Variants in ZNF410 observed in about 807,000 individuals in gnomAD.
ZNF410 encodes the protein zinc finger protein 410.
Under a neutral mutation model 54.8 loss-of-function variants are expected in ZNF410, and 18 were observed. The ratio of observed to expected loss-of-function variants is 0.33; its 90% confidence interval spans 0.23 to 0.49. The LOEUF is 0.49. Ranked by LOEUF, ZNF410 falls within the 20% of genes least tolerant of loss-of-function variation. The pLI, the probability that ZNF410 is intolerant of heterozygous loss-of-function variation, is 0.99. For missense variants in ZNF410, 405 were observed against 569.6 expected (o/e 0.71, Z 2.94); for synonymous variants, 191 against 207.3 (o/e 0.92, Z 0.68).
chr14:73,897,051 A>G (rs2055328652), intron 4 of ZNF410, among the ~76,000 whole-genome samples: 1 of 152,196 alleles, frequency 6.6e-6, no homozygotes, highest in Non-Finnish European at 1.5e-5. Flanking sequence ...AAGGGGATGA[A>G]GAGAACTGGG....
Position 73,892,223 on chromosome 14 carries a change from CTTGTTTCCTTTTCTT to C in ZNF410, c.33+19_33+33del. 1 of 1,611,460 alleles carries C rather than the reference CTTGTTTCCTTTTCTT, an allele frequency of 6.2e-7. No homozygotes were observed. ...CCAAACCAGAGGTGAGCCCAGTCAG[CTTGTTTCCTTTTCTT>C]TTGGTGGGCTATATTTCAAAGTTTA... On this transcript the variant is annotated intron_variant, in intron 2 of 11. Coordinates refer to ENST00000555044, the MANE Select transcript of ZNF410 (RefSeq NM_021188.3).
intron 6 of ZNF410, 134 bp from the exon 7 acceptor site, chr14:73,904,768 A>G: frequency 1.0e-6 from 1 of 998,274 alleles, no homozygotes; most frequent in East Asian, 2.7e-5. Context: ...TAGTTTTAAC[A>G]AAGTCTTCAG....
intron 3 of ZNF410, 38 bp downstream of exon 3, chr14:73,893,970 C>G: frequency 6.3e-7 from 1 of 1,585,176 alleles, no homozygotes; most frequent in Non-Finnish European, 8.6e-7. Flanking sequence ...ATAAAGAAGT[C>G]TTAAGAGCTT....
At position 73,892,185 on chromosome 14, in the gene ZNF410, G is replaced by A; in HGVS notation, c.10G>A (p.Asp4Asn). Residue 4 changes from aspartate (D) to asparagine (N), a missense_variant, in exon 2 of 12, where the codon GAT becomes AAT. This residue lies in a region of ZNF410 where 247 missense variants were observed against 342.8 expected (regional missense o/e 0.72). Coordinates refer to ENST00000555044, the MANE Select transcript of ZNF410 (RefSeq NM_021188.3). ...TTTGGAAGCTGAATCAATGTTATCAGATGAGTTAGAATCCAAACCAGAGGT... is the reference window on the plus strand; with the variant it reads ...TTTGGAAGCTGAATCAATGTTATCAAATGAGTTAGAATCCAAACCAGAGGT... MLS[D>N]ELESKPELLV... 1 of 1,613,886 alleles carries A rather than the reference G, an allele frequency of 6.2e-7. No individual in the cohort carries two copies. The highest frequency in any genetic ancestry group is 2.2e-5 in the East Asian group (1 of 44,844).
chr14:73,930,888 A>C (rs1009682687), intron 11 of ZNF410, among the ~76,000 whole-genome samples: 3 of 152,224 alleles, frequency 2.0e-5, no homozygotes, highest in Non-Finnish European at 4.4e-5. Context: ...GATGTGAGCC[A>C]CTGCACCCAG....
intron 7 of ZNF410, among the ~76,000 whole-genome samples, chr14:73,905,823 T>C (rs1395559852): frequency 6.6e-6 from 1 of 151,704 alleles, no homozygotes. Context: ...AAAAGGCATA[T>C]ATATGGCATA....
chr14:73,897,986 AAAAAG>A, intron 4 of ZNF410, 80 bp from the exon 5 acceptor site: 7 of 1,291,860 alleles, frequency 5.4e-6, no homozygotes, highest in Non-Finnish European at 5.2e-6. Context: ...AAAAAAAAAA[AAAAAG>A]GGACATGGAG....
Position 73,906,668 on chromosome 14 carries a change from C to A in ZNF410, c.913+1585C>A, listed in dbSNP as rs537416427. On this transcript the variant is annotated intron_variant, in intron 7 of 11. Coordinates refer to ENST00000555044, the MANE Select transcript of ZNF410 (RefSeq NM_021188.3). The stretch of plus-strand genomic sequence containing the variant: ...ACATTGTTGTATTTCTTGTAGAGAC[C>A]GGGTTTTGCCATGTTGGCCAGGCTG... 1.7e-3 allele frequency among the ~76,000 whole-genome samples: 254 copies of A among 151,554 alleles called. 2 individuals are homozygous for A. Among genetic ancestry groups the A allele is most frequent in the Non-Finnish European group, 2.8e-3 (188 of 67,840 alleles).
chr14:73,894,315 C>CAGTGAAAT (rs944125920), intron 3 of ZNF410: 8 of 701,816 alleles, frequency 1.1e-5, no homozygotes, highest in Non-Finnish European at 2.1e-5. Context: ...CTGACAGGCC[C>CAGTGAAAT]AGTGAAATAG....
chr14:73,910,541 C>T (rs2055560320), intron 8 of ZNF410, among the ~76,000 whole-genome samples: 3 of 151,930 alleles, frequency 2.0e-5, no homozygotes, highest in Admixed American at 1.3e-4. Flanking sequence ...GTCAGGAGTT[C>T]GAGACCAGCC....
intron 5 of ZNF410, among the ~76,000 whole-genome samples, chr14:73,900,056 G>C: frequency 6.6e-6 from 1 of 151,636 alleles, no homozygotes. Context: ...TTAGCTGGGC[G>C]TGGTGGCGCA....
intron 8 of ZNF410, chr14:73,916,731 T>C (rs1183035365): frequency 6.6e-6 from 1 of 151,862 alleles, no homozygotes; most frequent in African/African-American, 2.4e-5. Context: ...CTTGGCACTT[T>C]GGGAGGCTGA....
chr14:73,891,769 A>G (rs183799215), intron 1 of ZNF410: 4 of 476,214 alleles, frequency 8.4e-6, no homozygotes, highest in African/African-American at 6.1e-5. Context: ...TAAGACGGAC[A>G]TCTTTGGACA....
rs568735528 is a variant in ZNF410, at chr14:73,931,883, G to C, written c.*342G>C. On this transcript the variant is annotated 3_prime_UTR_variant, in exon 12 of 12. Coordinates refer to ENST00000555044, the MANE Select transcript of ZNF410 (RefSeq NM_021188.3). ...TGTTGAGGGGAGGTTTTCCTTTGAA[G>C]AGTTTTCATCCCAGACTCAGCTGTC... The C allele has an allele frequency of 2.2e-6, 1 of 446,678 alleles. No individual in the cohort carries two copies. The highest frequency in any genetic ancestry group is 2.0e-5 in the African/African-American group (1 of 49,836). 27.7% of individuals were successfully genotyped at this position (446,678 alleles called of 1,614,324 possible).
chr14:73,905,968 C>CACACAT (rs1461702433), intron 7 of ZNF410, among the ~76,000 whole-genome samples: 7 of 78,932 alleles, frequency 8.9e-5, no homozygotes, highest in African/African-American at 2.1e-4. Context: ...CACACACACA[C>CACACAT]ATATATATAT....
At chr14:73,900,021 T>A (rs2055380923) in intron 5 of ZNF410, among the ~76,000 whole-genome samples, 1 of 151,752 alleles carries the variant, frequency 6.6e-6, no homozygotes. Flanking sequence ...CGTGGAGAAA[T>A]CCCGTCTCTA....
At chr14:73,915,786 G>A (rs1270630053) in intron 8 of ZNF410, 5 of 152,178 alleles carry the variant, frequency 3.3e-5, no homozygotes, top group African/African-American at 1.2e-4. Context: ...TGTCTGTTGA[G>A]ATGATCTTGT....
Position 73,892,189 on chromosome 14 carries a change from A to G in ZNF410, c.14A>G (p.Glu5Gly). Residue 5 changes from glutamate to glycine, a missense_variant, in exon 2 of 12, where the codon GAG (glutamate) becomes GGG (glycine). By Grantham distance (98) the Glu-to-Gly change is moderately conservative. Coordinates refer to ENST00000555044, the MANE Select transcript of ZNF410 (RefSeq NM_021188.3). Reference sequence around the variant, plus strand: ...GAAGCTGAATCAATGTTATCAGATGAGTTAGAATCCAAACCAGAGGTGAGC... The same window carrying G: ...GAAGCTGAATCAATGTTATCAGATGGGTTAGAATCCAAACCAGAGGTGAGC... MLSD[E>G]LESKPELLVQ... 1 of 1,613,844 alleles carries G rather than the reference A, an allele frequency of 6.2e-7. No individual in the cohort carries two copies. Among genetic ancestry groups the G allele is most frequent in the Non-Finnish European group, 8.5e-7 (1 of 1,179,950 alleles).
chr14:73,927,832 A>ATT (rs11461357), intron 11 of ZNF410: 5,039 of 143,430 alleles, frequency 0.035, 211 homozygotes, highest in African/African-American at 0.1. Flanking sequence ...TCAACCGGCA[A>ATT]TTTTTTTTTT....
Sources: gnomAD v4.1 joint callset for allele counts (sites outside exome capture counted in the v4.1 genomes callset) on GRCh38, gnomAD v4.1.1 for gene constraint, gnomAD v4.1.1 regional missense constraint, MANE v1.5 for transcripts, NCBI Gene and HGNC (gene_info 2026-07-23, HGNC 2026-07-21) for gene names.